Variants in BECN1 observed in about 807,000 individuals in gnomAD.
The protein encoded by BECN1 is beclin-1.
In BECN1, 15 loss-of-function variants were observed where a neutral mutation model predicts 60.1. The ratio of observed to expected loss-of-function variants is 0.25; its 90% CI spans 0.17 to 0.38. BECN1 has a LOEUF of 0.38. Ranked by LOEUF, BECN1 falls within the 10% of genes least tolerant of loss-of-function variation. BECN1 has a pLI of 1.00. For missense variants in BECN1, 424 were observed against 548.2 expected (o/e 0.77, Z 2.26); for synonymous variants, 179 against 201.8 (o/e 0.89, Z 0.96).
In BECN1 at chr17:42,814,639, T is replaced by C; in HGVS notation, c.865A>G (p.Arg289Gly). 2 of 1,614,194 alleles carry C rather than the reference T, an allele frequency of 1.2e-6. No homozygotes were observed. Among genetic ancestry groups the C allele is most frequent in the Non-Finnish European group, 1.7e-6 (2 of 1,180,034 alleles). Residue 289 changes from arginine to glycine, a missense_variant, in exon 9 of 12, where the codon AGG becomes GGG. Coordinates refer to ENST00000590099, the MANE Select transcript of BECN1 (RefSeq NM_001313998.2). ...SGQFGTINNFRLGRLPSVPVE... is the reference protein window; with the variant it reads ...SGQFGTINNFGLGRLPSVPVE... ...GGAACACTGGGCAGGCGACCCAGCC[T>C]GAAGTTATTGATTGTGCCAAACTGT...
chr17:42,818,394 C>T lies in BECN1; in HGVS notation c.510G>A (p.Glu170=). 6.2e-7 allele frequency: 1 copy of T among 1,614,200 alleles called. No homozygotes were observed. Among genetic ancestry groups the T allele is most frequent in the Non-Finnish European group, 8.5e-7 (1 of 1,180,042 alleles). Residue 170 remains glutamate (E), a synonymous_variant, in exon 7 of 12, where the codon GAG becomes GAA. Coordinates refer to ENST00000590099, the MANE Select transcript of BECN1 (RefSeq NM_001313998.2). The stretch of plus-strand genomic sequence containing the variant: ...GTTCACTGTCATCCTCATTCATTTG[C>T]TCTAAGATCTCCAAACAGCGTCTGC... ...QNYKRCLEIL[E]QMNEDDSEQL... is the part of the protein sequence containing the mutation.
At chr17:42,811,533 T>A in intron 11 of BECN1, 122 bp downstream of exon 11, 2 of 1,312,130 alleles carry the variant, frequency 1.5e-6, no homozygotes, top group Non-Finnish European at 2.1e-6. Context: ...CAATGTCATG[T>A]GATTCTGTGC....
At chr17:42,815,747 C>T in intron 8 of BECN1, 161 bp downstream of exon 8, 1 of 897,720 alleles carries the variant, frequency 1.1e-6, no homozygotes, top group Non-Finnish European at 1.7e-6. Flanking sequence ...TCTAGAATTC[C>T]AATCCCTACT....
At chr17:42,816,862 T>C (rs933061014) in intron 7 of BECN1, among the ~76,000 whole-genome samples, 2 of 151,956 alleles carry the variant, frequency 1.3e-5, no homozygotes, top group African/African-American at 4.8e-5. Flanking sequence ...CCCAGCTACT[T>C]GGGAGGCTGA....
chr17:42,818,475 G>T (rs2144187109), intron 6 of BECN1, 60 bp from the exon 7 acceptor site: 2 of 1,612,414 alleles, frequency 1.2e-6, no homozygotes, highest in South Asian at 2.2e-5. Context: ...GTGGAGTACG[G>T]CTCTTGGGTA....
At chr17:42,812,893 G>A (rs1377802532) in intron 10 of BECN1, 2 of 129,782 alleles carry the variant, frequency 1.5e-5, no homozygotes, top group African/African-American at 5.8e-5. Context: ...GGAGTGCAGT[G>A]GCGCAATCTC....
At position 42,810,153 on chromosome 17, in the gene BECN1, A is replaced by T. The variant is rs891128460; in HGVS notation, c.*607T>A. The T allele has an allele frequency of 3.9e-5, 6 of 152,622 alleles. No individual in the cohort carries two copies. Among genetic ancestry groups the T allele is most frequent in the Non-Finnish European group, 1.5e-5 (1 of 68,140 alleles). 9.5% of individuals were successfully genotyped at this position (152,622 alleles called of 1,614,324 possible). A position where few individuals can be genotyped will look rare whatever the true frequency, so the allele number is the denominator to read the frequency against. ...CCTGGGCAGTTTTCAGACTGCAGCA[A>T]ATCTTTTATTACAAATAATTAAATC... On this transcript the variant is annotated 3_prime_UTR_variant, in exon 12 of 12. Transcript: ENST00000590099.
rs375451969 is a variant in BECN1, at chr17:42,810,870, T to C, written c.1243A>G (p.Ile415Val). ...DTGGSGGSYSIKTQFNSEEQW... is the reference protein window; with the variant it reads ...DTGGSGGSYSVKTQFNSEEQW... ...TCCTCAGAGTTAAACTGGGTTTTGATGGAATAGGAGCCGCCACTGCCTCCT... is the reference window on the plus strand; with the variant it reads ...TCCTCAGAGTTAAACTGGGTTTTGACGGAATAGGAGCCGCCACTGCCTCCT... The change falls in exon 12 of 12, where the codon ATC (isoleucine) becomes GTC (valine). Residue 415 changes from isoleucine (I) to valine (V), a missense_variant. Ile to Val is a conservative substitution (Grantham distance 29). This residue lies in a region of BECN1 where 326 missense variants were observed against 406.2 expected (regional missense o/e 0.80). Coordinates refer to ENST00000590099, the MANE Select transcript of BECN1 (RefSeq NM_001313998.2). 96 of 1,613,546 alleles carry C rather than the reference T, an allele frequency of 5.9e-5. No homozygotes were observed. The East Asian group carries it at 2.0e-3, about 34-fold the overall frequency.
intron 6 of BECN1, 22 bp from the exon 7 acceptor site, chr17:42,818,437 T>G (rs751111612): frequency 2.5e-6 from 4 of 1,613,410 alleles, no homozygotes; most frequent in Non-Finnish European, 3.4e-6. Context: ...ACAGGCAGAC[T>G]ATACTTACTA....
chr17:42,815,614 T>C (rs1372886839), intron 8 of BECN1: 9 of 427,450 alleles, frequency 2.1e-5, no homozygotes, highest in Admixed American at 4.0e-5. Context: ...CAACAGTTAT[T>C]AAATTAATGG....
rs778603902 is a variant in BECN1, at chr17:42,811,738, A to G, written c.1101T>C (p.His367=). 2 of 1,614,192 alleles carry G rather than the reference A, an allele frequency of 1.2e-6. No individual in the cohort carries two copies. The highest frequency in any genetic ancestry group is 1.1e-5 in the South Asian group (1 of 91,084). Residue 367 remains histidine (H), a synonymous_variant, in exon 11 of 12, where the codon CAT becomes CAC. Transcript: ENST00000590099. The part of the protein sequence containing the change: ...LRFFWDNKFD[H]AMVAFLDCVQ... Reference sequence around the variant, plus strand: ...CACAGTCCAGGAAAGCCACCATTGCATGGTCAAACTTGTTGTCCCAGAAAA... The same window carrying G: ...CACAGTCCAGGAAAGCCACCATTGCGTGGTCAAACTTGTTGTCCCAGAAAA...
intron 7 of BECN1, among the ~76,000 whole-genome samples, chr17:42,816,693 G>A (rs558416246): frequency 7.8e-4 from 114 of 146,472 alleles, no homozygotes; most frequent in Non-Finnish European, 1.3e-3. Flanking sequence ...CTTCTGGGCC[G>A]GGTGCAGTGG....
Position 42,818,687 on chromosome 17 carries a change from G to C in BECN1, c.352-7C>G. On this transcript the variant is annotated splice_region_variant and splice_polypyrimidine_tract_variant and intron_variant, in intron 5 of 11. Transcript: ENST00000590099. ...CAAAAAGGTCCCCAGTGACCTGGAA[G>C]TGTGGGAGAGTCAGGGTAGGGCCTC... is the stretch of plus-strand genomic sequence containing the variant. 6.2e-7 allele frequency: 1 copy of C among 1,614,156 alleles called. No homozygotes were observed. The highest frequency in any genetic ancestry group is 8.5e-7 in the Non-Finnish European group (1 of 1,179,986).
At position 42,818,861 on chromosome 17, in the gene BECN1, T is replaced by C. The variant is rs756226768; in HGVS notation, c.277A>G (p.Ser93Gly). 1 of 1,614,164 alleles carries C rather than the reference T, an allele frequency of 6.2e-7. No homozygotes were observed. Among genetic ancestry groups the C allele is most frequent in the Non-Finnish European group, 8.5e-7 (1 of 1,180,018 alleles). The change falls in exon 5 of 12, where the codon AGT (serine) becomes GGT (glycine). Residue 93 changes from serine (S) to glycine (G), a missense_variant. Ser to Gly is a moderately conservative substitution (Grantham distance 56, BLOSUM62 0). This residue lies in a region of BECN1 where 96 missense variants were observed against 125.6 expected (regional missense o/e 0.76). Coordinates refer to ENST00000590099, the MANE Select transcript of BECN1 (RefSeq NM_001313998.2). The stretch of plus-strand genomic sequence containing the variant: ...CCAATCAGAGTGAAGCTGTTGGCAC[T>C]TTCTGTGGACATCATCCTGCAGACA... ...IPPARMMSTE[S>G]ANSFTLIGEA...
chr17:42,821,189 A>G (rs1426322790), intron 2 of BECN1, among the ~76,000 whole-genome samples: 1 of 152,038 alleles, frequency 6.6e-6, no homozygotes, highest in Non-Finnish European at 1.5e-5. Flanking sequence ...TCTCCCAAGT[A>G]GCTGGGACTA....
chr17:42,818,339 G>C lies in BECN1; in HGVS notation c.565C>G (p.Leu189Val). The stretch of plus-strand genomic sequence containing the variant: ...TCCTGGATCAGCCTCTCCTCCTCTA[G>C]TGCCAGCTCCTTTAGCTCCATCTGT... ...QLQMELKELA[L>V]EEERLIQELE... The change falls in exon 7 of 12, where the codon CTA becomes GTA. Residue 189 changes from leucine (L) to valine (V), a missense_variant. By Grantham distance (32) the Leu-to-Val change is conservative (BLOSUM62 1). Transcript: ENST00000590099. The C allele has an allele frequency of 6.2e-7, 1 of 1,614,182 alleles. No individual in the cohort carries two copies. The highest frequency in any genetic ancestry group is 2.2e-5 in the East Asian group (1 of 44,882).
intron 4 of BECN1, 61 bp downstream of exon 4, chr17:42,819,487 G>T: frequency 6.4e-7 from 1 of 1,571,598 alleles, no homozygotes; most frequent in South Asian, 1.2e-5. Context: ...CTCGATTCCT[G>T]GATTTAATTA....
In BECN1 at chr17:42,811,895, G is replaced by A. The variant is rs1278040058; in HGVS notation, c.1042-98C>T. The A allele has an allele frequency of 1.8e-5, 25 of 1,417,290 alleles. No individual in the cohort carries two copies. The South Asian group carries it at 2.7e-4, about 15-fold the overall frequency. The allele number at this position is 1,417,290 out of a possible 1,614,324, so 87.8% of individuals were successfully genotyped here. On this transcript the variant is annotated intron_variant, in intron 10 of 11. Transcript: ENST00000590099. Reference sequence around the variant, plus strand: ...CAATCTCTCAAGTCATGTTCTGTCTGTATCCCACTGGAAACTTGTATTGTA... The same window carrying A: ...CAATCTCTCAAGTCATGTTCTGTCTATATCCCACTGGAAACTTGTATTGTA...
At chr17:42,820,166 T>C (rs575663336) in intron 3 of BECN1, among the ~76,000 whole-genome samples, 106 of 152,262 alleles carry the variant, frequency 7.0e-4, no homozygotes, top group African/African-American at 2.6e-3. Context: ...CCACTAAACC[T>C]GACATCAGCA....
Sources: allele counts gnomAD v4.1 joint callset (sites outside exome capture counted in the v4.1 genomes callset), GRCh38; gene constraint gnomAD v4.1.1; regional missense constraint gnomAD v4.1.1; transcripts MANE v1.5; gene names NCBI Gene and HGNC (gene_info 2026-07-23, HGNC 2026-07-21).